FXN: variants seen among roughly 807,000 people sequenced by gnomAD.
FXN encodes the protein frataxin, mitochondrial.
FXN carries 14 observed loss-of-function variants against 22.4 expected under a neutral mutation model. The ratio of observed to expected loss-of-function variants is 0.62; its 90% confidence interval spans 0.41 to 0.98. The LOEUF (loss-of-function observed/expected upper bound fraction) is 0.98. FXN is among the 50% of genes least tolerant of loss of function. FXN has a pLI of 0.00. For synonymous variants in FXN, 120 were observed against 114.1 expected, an observed-to-expected ratio of 1.05 and a Z score of -0.33; for missense variants, 267 against 268.4, an observed-to-expected ratio of 0.99 and a Z score of 0.04.
chr9:69,058,703 C>A (rs906999226), intron 3 of FXN, among the ~76,000 whole-genome samples: 1 of 152,002 alleles, frequency 6.6e-6, no homozygotes, highest in Non-Finnish European at 1.5e-5. Flanking sequence ...AGAGACTCCA[C>A]GGTGTGCCAC....
Position 69,076,033 on chromosome 9 carries a change from C to A in FXN, c.*3271C>A. 1.0e-6 allele frequency: 1 copy of A among 984,294 alleles called. No homozygotes were observed. Among genetic ancestry groups the A allele is most frequent in the Non-Finnish European group, 1.2e-6 (1 of 828,940 alleles). The allele number at this position is 984,294 out of a possible 1,614,324, so 61.0% of individuals were successfully genotyped here. A position where few individuals can be genotyped will look rare whatever the true frequency, so the allele number is the denominator to read the frequency against. ...AAGCTTTTTCTATTATTTTTACCTT[C>A]TTGAGTGGGTAGAACCTCAGCCACA... On this transcript the variant is annotated 3_prime_UTR_variant, in exon 5 of 5. Coordinates refer to ENST00000484259, the MANE Select transcript of FXN (RefSeq NM_000144.5).
intron 3 of FXN, among the ~76,000 whole-genome samples, chr9:69,062,900 A>T (rs1020784043): frequency 1.3e-5 from 2 of 152,102 alleles, no homozygotes; most frequent in African/African-American, 2.4e-5. Context: ...AATTAAAAAA[A>T]AAAAAAATGG....
At position 69,075,132 on chromosome 9, in the gene FXN, C is replaced by T. The variant is rs1832342694; in HGVS notation, c.*2370C>T. The T allele has an allele frequency of 1.0e-6, 1 of 985,372 alleles. No individual in the cohort carries two copies. The highest frequency in any genetic ancestry group is 1.2e-6 in the Non-Finnish European group (1 of 829,952). The allele number at this position is 985,372 out of a possible 1,614,324, so 61.0% of individuals were successfully genotyped here. A position where few individuals can be genotyped will look rare whatever the true frequency, so the allele number is the denominator to read the frequency against. ...ATAGCTCTAATTGGTTTGATTATCT[C>T]GTTCCCAAGGCAGTGGGAGATCCCC... On this transcript the variant is annotated 3_prime_UTR_variant, in exon 5 of 5. Transcript: ENST00000484259.
In FXN at chr9:69,072,986, G is replaced by A. The variant is rs1042001147; in HGVS notation, c.*224G>A. The A allele has an allele frequency of 1.9e-5, 27 of 1,429,874 alleles. No homozygotes were observed. The Admixed American group carries it at 2.0e-4, about 11-fold the overall frequency. 88.6% of individuals were successfully genotyped at this position (1,429,874 alleles called of 1,614,324 possible). ...TCTATGGAAGATTTTTTGGATTGTC[G>A]GATTTCCTCCCTCACATGATACCCC... On this transcript the variant is annotated 3_prime_UTR_variant, in exon 5 of 5. Coordinates refer to ENST00000484259, the MANE Select transcript of FXN (RefSeq NM_000144.5).
chr9:69,037,402 G>GCC (rs1831583424), intron 1 of FXN, among the ~76,000 whole-genome samples: 1 of 151,974 alleles, frequency 6.6e-6, no homozygotes, highest in Non-Finnish European at 1.5e-5. Context: ...GGAGGCAGAG[G>GCC]TTGCATTAAG....
intron 3 of FXN, among the ~76,000 whole-genome samples, chr9:69,057,055 C>A (rs1257653838): frequency 6.6e-6 from 1 of 152,116 alleles, no homozygotes; most frequent in South Asian, 2.1e-4. Context: ...CAGGCATGAG[C>A]CACCATGCAT....
At chr9:69,056,384 CT>C (rs1181215728) in intron 3 of FXN, among the ~76,000 whole-genome samples, 5 of 152,240 alleles carry the variant, frequency 3.3e-5, no homozygotes, top group Admixed American at 6.5e-5. Flanking sequence ...AAGGGAGGAT[CT>C]ATGAATATGC....
At chr9:69,049,478 G>A (rs1831815194) in intron 2 of FXN, among the ~76,000 whole-genome samples, 1 of 152,134 alleles carries the variant, frequency 6.6e-6, no homozygotes, top group Non-Finnish European at 1.5e-5. Context: ...AAATCTGTAT[G>A]TCTTACAGTA....
intron 2 of FXN, among the ~76,000 whole-genome samples, chr9:69,047,340 CACACACACAG>C (rs1232274997): frequency 4.0e-5 from 6 of 149,840 alleles, no homozygotes; most frequent in African/African-American, 1.5e-4. Flanking sequence ...GACACAGACA[CACACACACAG>C]ACACACACAC....
intron 2 of FXN, among the ~76,000 whole-genome samples, chr9:69,051,046 C>T (rs909794671): frequency 6.6e-6 from 1 of 152,232 alleles, no homozygotes; most frequent in Non-Finnish European, 1.5e-5. Flanking sequence ...TCCCGAAGTG[C>T]TGGGATTACA....
intron 3 of FXN, among the ~76,000 whole-genome samples, chr9:69,059,391 CT>C (rs35159671): frequency 2.1e-3 from 130 of 62,988 alleles, no homozygotes; most frequent in African/African-American, 8.4e-3. Flanking sequence ...GAGGCAGCAT[CT>C]TTTTTTTTTT....
chr9:69,070,803 T>G (rs1440953191), intron 4 of FXN, among the ~76,000 whole-genome samples: 1 of 31,906 alleles, frequency 3.1e-5, no homozygotes, highest in East Asian at 1.0e-3. Context: ...TTTTGTTTTG[T>G]TTTTTTTTTC....
In FXN at chr9:69,073,125, T is replaced by C; in HGVS notation, c.*363T>C. ...AATGAATTGTCTTCACTCTTCATTC[T>C]TTGAAGGATTTACTGCAAGAAGTAC... On this transcript the variant is annotated 3_prime_UTR_variant, in exon 5 of 5. Coordinates refer to ENST00000484259, the MANE Select transcript of FXN (RefSeq NM_000144.5). 1 of 1,139,992 alleles carries C rather than the reference T, an allele frequency of 8.8e-7. No homozygotes were observed. The highest frequency in any genetic ancestry group is 1.1e-6 in the Non-Finnish European group (1 of 923,532). 70.6% of individuals were successfully genotyped at this position (1,139,992 alleles called of 1,614,324 possible).
chr9:69,059,436 G>C (rs1222717348), intron 3 of FXN, among the ~76,000 whole-genome samples: 1 of 110,156 alleles, frequency 9.1e-6, no homozygotes. Flanking sequence ...ATCTCACTCT[G>C]TCACCCAGGC....
chr9:69,047,552 T>C (rs1018735546), intron 2 of FXN, among the ~76,000 whole-genome samples: 2 of 152,124 alleles, frequency 1.3e-5, no homozygotes, highest in African/African-American at 4.8e-5. Context: ...GGCTCCTCCT[T>C]GTCTGTTATT....
Position 69,035,802 on chromosome 9 carries a change from G to A in FXN, c.20G>A (p.Arg7His), listed in dbSNP as rs1194735245. 2.6e-6 allele frequency: 4 copies of A among 1,510,946 alleles called. No homozygotes were observed. Among genetic ancestry groups the A allele is most frequent in the East Asian group, 2.6e-5 (1 of 38,506 alleles). The allele number at this position is 1,510,946 out of a possible 1,614,324, so 93.6% of individuals were successfully genotyped here. A position where few individuals can be genotyped will look rare whatever the true frequency, so the allele number is the denominator to read the frequency against. MWTLGRRAVAGLLASPS... is the reference protein window; with the variant it reads MWTLGRHAVAGLLASPS... ...AGCAGCATGTGGACTCTCGGGCGCC[G>A]CGCAGTAGCCGGCCTCCTGGCGTCA... Residue 7 changes from arginine to histidine, a missense_variant, in exon 1 of 5, where the codon CGC becomes CAC. By Grantham distance (29) the Arg-to-His change is conservative. Coordinates refer to ENST00000484259, the MANE Select transcript of FXN (RefSeq NM_000144.5).
chr9:69,057,137 AG>A lies in FXN; in HGVS notation c.384+3880del, dbSNP rs552288509. Among the ~76,000 whole-genome samples, 13 of 152,294 alleles carry A rather than the reference AG, an allele frequency of 8.5e-5. No individual in the cohort carries two copies. The East Asian group carries it at 2.1e-3, about 25-fold the overall frequency. On this transcript the variant is annotated intron_variant, in intron 3 of 4. Transcript: ENST00000484259. The stretch of plus-strand genomic sequence containing the variant: ...AGGGGAAAAAAAACTAATGGCAGTT[AG>A]GGAGGGAATAGAACGAGTCCTGTTT...
chr9:69,061,740 T>C (rs1029547686), intron 3 of FXN, among the ~76,000 whole-genome samples: 2 of 144,056 alleles, frequency 1.4e-5, no homozygotes, highest in African/African-American at 5.0e-5. Context: ...TGTGTTCTCA[T>C]TGTTCAGTTC....
chr9:69,066,364 G>A (rs1381685367), intron 4 of FXN, among the ~76,000 whole-genome samples: 1 of 152,164 alleles, frequency 6.6e-6, no homozygotes, highest in Non-Finnish European at 1.5e-5. Context: ...GATCTCTAAT[G>A]CTTTGTTCAG....
Sources: gnomAD v4.1 joint callset for allele counts (sites outside exome capture counted in the v4.1 genomes callset) on GRCh38, gnomAD v4.1.1 for gene constraint, MANE v1.5 for transcripts, NCBI Gene and HGNC (gene_info 2026-07-23, HGNC 2026-07-21) for gene names.